Variants in ZNF169 observed in about 807,000 individuals in gnomAD.
The protein encoded by ZNF169 is zinc finger protein 169.
A neutral mutation model predicts 12.0 loss-of-function variants in ZNF169; 11 were observed. That is an observed-to-expected ratio of 0.92 (90% confidence interval 0.58 to 1.52). The LOEUF (loss-of-function observed/expected upper bound fraction) is 1.52. ZNF169 is among the 40% of genes most tolerant of loss of function. The pLI is 0.00. For missense variants in ZNF169, 722 were observed against 744.0 expected, an observed-to-expected ratio of 0.97 and a Z score of 0.34; for synonymous variants, 302 against 286.5, an observed-to-expected ratio of 1.05 and a Z score of -0.55.
At chr9:94,282,416 C>A (rs564287317) in intron 2 of ZNF169, among the ~76,000 whole-genome samples, 1 of 152,114 alleles carries the variant, frequency 6.6e-6, no homozygotes, top group Non-Finnish European at 1.5e-5. Flanking sequence ...TATATTGGTT[C>A]GGTCTGGAAA....
rs1830388137 is a variant in ZNF169 at position 94,270,784 on chromosome 9, A to AT, written c.-55-7974_-55-7973insT. 1.7e-4 allele frequency among the ~76,000 whole-genome samples: 9 copies of AT among 54,114 alleles called. No individual in the cohort carries two copies. In the East Asian group the frequency reaches 2.0e-3, roughly 12 times the overall value. The allele number at this position is 54,114 out of a possible 152,430, so 35.5% of individuals were successfully genotyped here. On this transcript the variant is annotated intron_variant, in intron 1 of 4. Coordinates refer to ENST00000395395, the MANE Select transcript of ZNF169 (RefSeq NM_194320.4). ...AAATATATATGTTATATATTATATA[A>AT]ATATATATAAATAATATATATATTA...
At chr9:94,283,198 C>A (rs1293956578) in intron 2 of ZNF169, among the ~76,000 whole-genome samples, 2 of 152,042 alleles carry the variant, frequency 1.3e-5, no homozygotes, top group Non-Finnish European at 2.9e-5. Context: ...ATCATGAGGT[C>A]AGGAGATCGA....
chr9:94,269,270 AG>A (rs1481970924), intron 1 of ZNF169, among the ~76,000 whole-genome samples: 11 of 152,112 alleles, frequency 7.2e-5, no homozygotes, highest in African/African-American at 2.4e-4. Flanking sequence ...CAAAATGCAA[AG>A]GGGGTGTATG....
chr9:94,278,147 G>A (rs553485988), intron 1 of ZNF169, among the ~76,000 whole-genome samples: 2 of 152,054 alleles, frequency 1.3e-5, no homozygotes, highest in East Asian at 1.9e-4. Context: ...CCTACTTCTC[G>A]CTTCTTAAAA....
intron 2 of ZNF169, among the ~76,000 whole-genome samples, chr9:94,286,746 C>A (rs1564089290): frequency 6.6e-6 from 1 of 152,188 alleles, no homozygotes; most frequent in Admixed American, 6.5e-5. Flanking sequence ...TCCAAGCTTA[C>A]AGCTGGAGCT....
intron 4 of ZNF169, among the ~76,000 whole-genome samples, chr9:94,297,843 CA>C (rs1378009824): frequency 6.6e-6 from 1 of 152,136 alleles, no homozygotes; most frequent in African/African-American, 2.4e-5. Context: ...TGCTACTTGC[CA>C]GGTACATTTC....
chr9:94,286,485 G>C (rs943526161), intron 2 of ZNF169, among the ~76,000 whole-genome samples: 1 of 152,094 alleles, frequency 6.6e-6, no homozygotes, highest in African/African-American at 2.4e-5. Flanking sequence ...TCTCAATATT[G>C]GGGGAGGGTC....
chr9:94,293,136 GGGC>G, intron 4 of ZNF169, 67 bp downstream of exon 4: 1 of 1,411,116 alleles, frequency 7.1e-7, no homozygotes, highest in Non-Finnish European at 9.9e-7. Flanking sequence ...AAGGAAGGAG[GGGC>G]TATCTTTGAG....
At chr9:94,281,049 T>C (rs1416531429) in intron 2 of ZNF169, among the ~76,000 whole-genome samples, 1 of 152,202 alleles carries the variant, frequency 6.6e-6, no homozygotes, top group Non-Finnish European at 1.5e-5. Flanking sequence ...GAAGAGAATC[T>C]TGGAGTTCAC....
At chr9:94,287,540 A>G (rs767460608) in intron 2 of ZNF169, among the ~76,000 whole-genome samples, 1 of 151,922 alleles carries the variant, frequency 6.6e-6, no homozygotes, top group Non-Finnish European at 1.5e-5. Context: ...AACTTTTTGT[A>G]TTTTTAGTAG....
chr9:94,290,783 A>G (rs997478359), intron 2 of ZNF169, among the ~76,000 whole-genome samples: 1 of 152,116 alleles, frequency 6.6e-6, no homozygotes, highest in African/African-American at 2.4e-5. Flanking sequence ...GTATATTCCT[A>G]GGAGTGGAAT....
chr9:94,288,146 C>A, intron 2 of ZNF169: 1 of 800,002 alleles, frequency 1.3e-6, no homozygotes, highest in Non-Finnish European at 2.2e-6. Context: ...GGAATGAGGG[C>A]CCAGCAATGT....
In ZNF169 at chr9:94,275,786, G is replaced by GTT. The variant is rs774781157; in HGVS notation, c.-55-2956_-55-2955dup. Among the ~76,000 whole-genome samples the GTT allele has an allele frequency of 8.1e-4, 106 of 130,506 alleles. 1 individual carries two copies. The highest frequency in any genetic ancestry group is 4.0e-3 in the Middle Eastern group (1 of 250). 85.6% of individuals were successfully genotyped at this position (130,506 alleles called of 152,430 possible). On this transcript the variant is annotated intron_variant, in intron 1 of 4. Transcript: ENST00000395395. ...GTCAGCTGTAGGCTCTGCACTATCTGTTTTTTTTTTTTTTTTTGAGACAGT... is the reference window on the plus strand; with the variant it reads ...GTCAGCTGTAGGCTCTGCACTATCTGTTTTTTTTTTTTTTTTTTTGAGACAGT...
Position 94,301,690 on chromosome 9 carries a change from G to A in ZNF169, c.*320G>A, listed in dbSNP as rs752271286. ...TTGCGGATGGCTGCTTTCTGGCCAC[G>A]TCCTCACGTGGGCTTTTTTCTGTGT... On this transcript the variant is annotated 3_prime_UTR_variant, in exon 5 of 5. Coordinates refer to ENST00000395395, the MANE Select transcript of ZNF169 (RefSeq NM_194320.4). 1.3e-5 allele frequency among the ~76,000 whole-genome samples: 2 copies of A among 152,116 alleles called. No individual in the cohort carries two copies. The highest frequency in any genetic ancestry group is 2.4e-5 in the African/African-American group (1 of 41,420).
Position 94,287,661 on chromosome 9 carries a change from G to A in ZNF169, c.34-4680G>A, listed in dbSNP as rs116318725. 1,159 of 909,992 alleles carry A rather than the reference G, an allele frequency of 1.3e-3. 12 individuals carry two copies. The African/African-American group carries it at 0.017, about 14-fold the overall frequency. 56.4% of individuals were successfully genotyped at this position (909,992 alleles called of 1,614,324 possible). On this transcript the variant is annotated intron_variant, in intron 2 of 4. Coordinates refer to ENST00000395395, the MANE Select transcript of ZNF169 (RefSeq NM_194320.4). ...TTACAGGCATGAGCCACTGTGCCCG[G>A]CCAAAAATAGTTTAAAATTAAACAA... is the stretch of plus-strand genomic sequence containing the variant.
At chr9:94,285,486 A>T (rs1235667287) in intron 2 of ZNF169, among the ~76,000 whole-genome samples, 1 of 152,158 alleles carries the variant, frequency 6.6e-6, no homozygotes, top group Non-Finnish European at 1.5e-5. Context: ...AAAGTACTTC[A>T]AGAAATAATG....
chr9:94,259,344 T>G lies in ZNF169; in HGVS notation c.-57T>G, dbSNP rs528466394. On this transcript the variant is annotated splice_region_variant and 5_prime_UTR_variant, in exon 1 of 5. Coordinates refer to ENST00000395395, the MANE Select transcript of ZNF169 (RefSeq NM_194320.4). ...CGTTCCGGCATCGTCGCCTGGTGCG[T>G]GGTGAGTGTCCTTTCACAGTTCTGG... The G allele has an allele frequency of 8.6e-5, 13 of 151,170 alleles. No homozygotes were observed. Among genetic ancestry groups the G allele is most frequent in the African/African-American group, 3.1e-4 (13 of 41,480 alleles). 9.4% of individuals were successfully genotyped at this position (151,170 alleles called of 1,614,324 possible). A position where few individuals can be genotyped will look rare whatever the true frequency, so the allele number is the denominator to read the frequency against.
At chr9:94,280,138 C>T (rs983312590) in intron 2 of ZNF169, among the ~76,000 whole-genome samples, 2 of 152,150 alleles carry the variant, frequency 1.3e-5, no homozygotes, top group African/African-American at 4.8e-5. Flanking sequence ...TTCTGGGGCT[C>T]ATGGTGGATA....
chr9:94,269,660 G>T (rs10993132), intron 1 of ZNF169, among the ~76,000 whole-genome samples: 15,431 of 152,166 alleles, frequency 0.1, 870 homozygotes, highest in Middle Eastern at 0.15. Flanking sequence ...ATAAACTGGG[G>T]AGGAAGAGAG....
Sources: allele counts gnomAD v4.1 joint callset (sites outside exome capture counted in the v4.1 genomes callset), GRCh38; gene constraint gnomAD v4.1.1; transcripts MANE v1.5; gene names NCBI Gene and HGNC (gene_info 2026-07-23, HGNC 2026-07-21).